RANBP10: variants seen among roughly 807,000 people sequenced by gnomAD.
The protein encoded by RANBP10 is RAN binding protein 10.
Under a neutral mutation model 72.8 loss-of-function variants are expected in RANBP10, and 24 were observed. That is an observed-to-expected ratio of 0.33 (90% CI 0.24 to 0.46). RANBP10 has a LOEUF of 0.46. RANBP10 is among the 20% of genes least tolerant of loss of function. RANBP10 has a pLI of 1.00. For missense variants in RANBP10, 679 were observed against 817.5 expected (o/e 0.83, Z 2.07); for synonymous variants, 310 against 322.3 (o/e 0.96, Z 0.41).
intron 6 of RANBP10, among the ~76,000 whole-genome samples, chr16:67,734,063 C>A (rs756837813): frequency 2.0e-5 from 3 of 152,202 alleles, no homozygotes; most frequent in Non-Finnish European, 4.4e-5. Context: ...TGCCTCAGCC[C>A]ATCCTTGGGG....
At chr16:67,758,841 AAG>A (rs1229834318) in intron 3 of RANBP10, among the ~76,000 whole-genome samples, 1 of 151,774 alleles carries the variant, frequency 6.6e-6, no homozygotes, top group Admixed American at 6.6e-5. Flanking sequence ...TGCCCAGAAT[AAG>A]ACTTTTTAGG....
Position 67,805,408 on chromosome 16 carries a change from G to T in RANBP10, c.347+20C>A, listed in dbSNP as rs763537472. 3 of 1,590,142 alleles carry T rather than the reference G, an allele frequency of 1.9e-6. No individual in the cohort carries two copies. The South Asian group carries it at 3.3e-5, about 18-fold the overall frequency. On this transcript the variant is annotated intron_variant, in intron 2 of 13. Coordinates refer to ENST00000317506, the MANE Select transcript of RANBP10 (RefSeq NM_020850.3). ...ATCAGCTCCATGATCAGGGAAAGAG[G>T]GTGGTCATGAAGGGCTTACCCATCT...
Position 67,726,177 on chromosome 16 carries a change from CG to C in RANBP10, c.*250del, listed in dbSNP as rs2053593936. 2 of 446,136 alleles carry C rather than the reference CG, an allele frequency of 4.5e-6. No individual in the cohort carries two copies. Among genetic ancestry groups the C allele is most frequent in the African/African-American group, 4.1e-5 (2 of 49,280 alleles). The allele number at this position is 446,136 out of a possible 1,614,324, so 27.6% of individuals were successfully genotyped here. ...AAAACCCCCCTTTCAAAATAGAAGG[CG>C]CTACATGAGAGTAACCAGCCAATAC... On this transcript the variant is annotated 3_prime_UTR_variant, in exon 14 of 14. Transcript: ENST00000317506.
chr16:67,748,615 G>C (rs1597854504), intron 3 of RANBP10, among the ~76,000 whole-genome samples: 1 of 152,070 alleles, frequency 6.6e-6, no homozygotes, highest in African/African-American at 2.4e-5. Flanking sequence ...TGTTGCCCAG[G>C]CTGGTCTCAA....
At chr16:67,752,798 T>A (rs1225536726) in intron 3 of RANBP10, among the ~76,000 whole-genome samples, 1 of 152,166 alleles carries the variant, frequency 6.6e-6, no homozygotes, top group Non-Finnish European at 1.5e-5. Context: ...ACAAGCACTA[T>A]CTGCTTGCCA....
intron 3 of RANBP10, among the ~76,000 whole-genome samples, chr16:67,768,919 T>C (rs537194630): frequency 6.6e-6 from 1 of 152,312 alleles, no homozygotes; most frequent in South Asian, 2.1e-4. Flanking sequence ...GGCTTGTGAG[T>C]GAAAATTTTT....
In RANBP10 at chr16:67,785,731, C is replaced by CAAAAAAAAAAAAAAAAAAAAAAAAAAAA. The variant is rs61683439; in HGVS notation, c.348-13646_348-13645insTTTTTTTTTTTTTTTTTTTTTTTTTTTT. Among the ~76,000 whole-genome samples, 53 of 71,736 alleles carry CAAAAAAAAAAAAAAAAAAAAAAAAAAAA rather than the reference C, an allele frequency of 7.4e-4. 4 individuals are homozygous for CAAAAAAAAAAAAAAAAAAAAAAAAAAAA. Among genetic ancestry groups the CAAAAAAAAAAAAAAAAAAAAAAAAAAAA allele is most frequent in the African/African-American group, 1.3e-3 (19 of 14,588 alleles). The allele number at this position is 71,736 out of a possible 152,430, so 47.1% of individuals were successfully genotyped here. On this transcript the variant is annotated intron_variant, in intron 2 of 13. Transcript: ENST00000317506. ...AAACAGAGTGAGTGAGACTCCATCTCAAAAAAAAAAAAAAAGCCAGGCACA... is the reference window on the plus strand; with the variant it reads ...AAACAGAGTGAGTGAGACTCCATCTCAAAAAAAAAAAAAAAAAAAAAAAAAAAAAAAAAAAAAAAAAAAGCCAGGCACA...
intron 2 of RANBP10, among the ~76,000 whole-genome samples, chr16:67,800,475 G>A (rs1173356093): frequency 1.3e-5 from 2 of 152,194 alleles, no homozygotes; most frequent in African/African-American, 2.4e-5. Flanking sequence ...CCCTCCATGT[G>A]TCATCACTAA....
chr16:67,772,833 A>G (rs1337600835), intron 2 of RANBP10, among the ~76,000 whole-genome samples: 1 of 152,176 alleles, frequency 6.6e-6, no homozygotes, highest in Non-Finnish European at 1.5e-5. Flanking sequence ...TGTGGGTGTC[A>G]GCTTCCTCTG....
rs759604114 is a variant in RANBP10, at chr16:67,806,346, T to C, written c.191A>G (p.Asn64Ser). The C allele has an allele frequency of 6.2e-7, 1 of 1,613,560 alleles. No homozygotes were observed. The highest frequency in any genetic ancestry group is 1.1e-5 in the South Asian group (1 of 90,998). Reference sequence around the variant, plus strand: ...GTTGCCCTGGGAGAGACCAATGTAGTTGTATTTGTCCTTGGGGCTCCAGGA... The same window carrying C: ...GTTGCCCTGGGAGAGACCAATGTAGCTGTATTTGTCCTTGGGGCTCCAGGA... Reference protein sequence around the residue: ...PRSWSPKDKYNYIGLSQGNLR... With the variant: ...PRSWSPKDKYSYIGLSQGNLR... The change falls in exon 1 of 14, where the codon AAC becomes AGC. Residue 64 changes from asparagine (N) to serine (S), a missense_variant. Asn to Ser is a conservative substitution (Grantham distance 46). Coordinates refer to ENST00000317506, the MANE Select transcript of RANBP10 (RefSeq NM_020850.3).
intron 2 of RANBP10, among the ~76,000 whole-genome samples, chr16:67,802,541 G>A (rs1417466277): frequency 6.6e-6 from 1 of 152,214 alleles, no homozygotes; most frequent in Non-Finnish European, 1.5e-5. Flanking sequence ...GGGAGGCTGA[G>A]GCAGGAGAAT....
rs1190759079 is a variant in RANBP10, at chr16:67,727,916, G to A, written c.1475-20C>T. ...TGTCATCTGCATCCAGAACCCAGTG[G>A]AGAACGTGTTAGGAGGGGTGAAGAG... On this transcript the variant is annotated intron_variant, in intron 11 of 13. Transcript: ENST00000317506. The A allele has an allele frequency of 2.5e-6, 4 of 1,613,274 alleles. No homozygotes were observed. Among genetic ancestry groups the A allele is most frequent in the East Asian group, 2.2e-5 (1 of 44,880 alleles).
chr16:67,744,603 C>CA (rs1449708799), intron 3 of RANBP10, 148 bp from the exon 4 acceptor site: 2 of 830,510 alleles, frequency 2.4e-6, no homozygotes, highest in Non-Finnish European at 1.9e-6. Context: ...CACCAATAGA[C>CA]AGAGTCTGGC....
In RANBP10 at chr16:67,778,114, C is replaced by G. The variant is rs569526362; in HGVS notation, c.348-6028G>C. On this transcript the variant is annotated intron_variant, in intron 2 of 13. Transcript: ENST00000317506. ...CCTGTAATCCCAGCACTTCAGGAGG[C>G]CAAAGTGGGTGGATCACCTGAGGTC... Among the ~76,000 whole-genome samples, 6 of 152,304 alleles carry G rather than the reference C, an allele frequency of 3.9e-5. No homozygotes were observed. In the South Asian group the frequency reaches 1.2e-3, roughly 32 times the overall value.
chr16:67,734,846 C>A lies in RANBP10; in HGVS notation c.776+12G>T, dbSNP rs1215064624. ...GGGTGGGAGTGGGTAAGGGCAGGAG[C>A]AGGGCACTCACTTCTGCAGCACTGC... On this transcript the variant is annotated intron_variant, in intron 6 of 13. Transcript: ENST00000317506. The A allele has an allele frequency of 6.4e-7, 1 of 1,566,694 alleles. No homozygotes were observed. The highest frequency in any genetic ancestry group is 8.7e-7 in the Non-Finnish European group (1 of 1,152,410).
intron 3 of RANBP10, among the ~76,000 whole-genome samples, chr16:67,760,355 T>C (rs186488246): frequency 1.6e-4 from 25 of 152,366 alleles, no homozygotes; most frequent in African/African-American, 5.8e-4. Context: ...CCCTGATCTC[T>C]GCTATCAGTG....
At chr16:67,783,873 C>T (rs919511927) in intron 2 of RANBP10, among the ~76,000 whole-genome samples, 3 of 151,880 alleles carry the variant, frequency 2.0e-5, no homozygotes, top group Non-Finnish European at 4.4e-5. Context: ...AAAACCCCAT[C>T]TCTACTAAAA....
intron 3 of RANBP10, among the ~76,000 whole-genome samples, chr16:67,746,256 C>T (rs541422573): frequency 1.3e-5 from 2 of 152,034 alleles, no homozygotes; most frequent in East Asian, 1.9e-4. Context: ...ACGAGGCGAG[C>T]GGATCATGAG....
chr16:67,728,195 G>A (rs1484832926), intron 11 of RANBP10, among the ~76,000 whole-genome samples, 195 bp downstream of exon 11: 2 of 152,216 alleles, frequency 1.3e-5, no homozygotes, highest in Non-Finnish European at 2.9e-5. Flanking sequence ...GGTGGTCTTG[G>A]CACAGGCCAG....
Sources: gnomAD v4.1 joint callset for allele counts (sites outside exome capture counted in the v4.1 genomes callset) on GRCh38, gnomAD v4.1.1 for gene constraint, MANE v1.5 for transcripts, NCBI Gene and HGNC (gene_info 2026-07-23, HGNC 2026-07-21) for gene names.